Variants in SLC2A5 observed in about 807,000 individuals in gnomAD.
SLC2A5 encodes solute carrier family 2, facilitated glucose transporter member 5.
Under a neutral mutation model 50.3 loss-of-function variants are expected in SLC2A5, and 56 were observed. That is an observed-to-expected ratio of 1.11 (90% CI 0.90 to 1.39). SLC2A5 has a LOEUF of 1.39. Ranked by LOEUF, SLC2A5 falls within the 40% of genes most tolerant of loss-of-function variation. The pLI, the probability that SLC2A5 is intolerant of heterozygous loss-of-function variation, is 0.00. For missense variants in SLC2A5, 566 were observed against 650.1 expected (o/e 0.87, Z 1.41); for synonymous variants, 269 against 281.9 (o/e 0.95, Z 0.46).
chr1:9,053,154 T>TA (rs1557669955), intron 3 of SLC2A5, among the ~76,000 whole-genome samples: 19 of 79,950 alleles, frequency 2.4e-4, no homozygotes, highest in East Asian at 8.7e-4. Flanking sequence ...TTAATATATA[T>TA]TTTATATATT....
intron 4 of SLC2A5, 143 bp downstream of exon 4, chr1:9,047,467 C>T: frequency 5.2e-6 from 4 of 764,936 alleles, no homozygotes; most frequent in Non-Finnish European, 8.4e-6. Context: ...CCAGGTAGGG[C>T]TCAACCATCT....
Position 9,037,356 on chromosome 1 carries a change from A to G in SLC2A5, c.*230T>C. 1.9e-6 allele frequency: 1 copy of G among 517,894 alleles called. No individual in the cohort carries two copies. Among genetic ancestry groups the G allele is most frequent in the Non-Finnish European group, 3.5e-6 (1 of 286,816 alleles). 32.1% of individuals were successfully genotyped at this position (517,894 alleles called of 1,614,324 possible). A position where few individuals can be genotyped will look rare whatever the true frequency, so the allele number is the denominator to read the frequency against. ...AGCAAAGTGGAGGACCAGCTGTTTAATTGACTCGGGTCTGGTGACAGGCCA... is the reference window on the plus strand; with the variant it reads ...AGCAAAGTGGAGGACCAGCTGTTTAGTTGACTCGGGTCTGGTGACAGGCCA... On this transcript the variant is annotated 3_prime_UTR_variant, in exon 12 of 12. Coordinates refer to ENST00000377424, the MANE Select transcript of SLC2A5 (RefSeq NM_003039.3).
At chr1:9,056,908 C>T (rs1641768270) in intron 3 of SLC2A5, among the ~76,000 whole-genome samples, 1 of 152,120 alleles carries the variant, frequency 6.6e-6, no homozygotes, top group South Asian at 2.1e-4. Context: ...CCTGTAGATC[C>T]CTGGCCACCC....
At chr1:9,051,205 G>A (rs573306640) in intron 3 of SLC2A5, among the ~76,000 whole-genome samples, 79 of 144,234 alleles carry the variant, frequency 5.5e-4, no homozygotes, top group African/African-American at 2.0e-3. Flanking sequence ...AAGAGAAGAA[G>A]GAAGGAGGGA....
intron 5 of SLC2A5, chr1:9,041,229 C>G (rs1220980253): frequency 1.5e-5 from 6 of 397,600 alleles, no homozygotes; most frequent in African/African-American, 1.0e-4. Flanking sequence ...CAAAAACAAC[C>G]CCGGTTACAG....
intron 2 of SLC2A5, among the ~76,000 whole-genome samples, chr1:9,078,598 A>G (rs1469880543): frequency 6.6e-6 from 1 of 152,218 alleles, no homozygotes; most frequent in Non-Finnish European, 1.5e-5. Context: ...CTATTGAAAA[A>G]CATTTCATTT....
intron 1 of SLC2A5, among the ~76,000 whole-genome samples, chr1:9,068,189 C>CAAAAAAAAAAAAAAAA (rs755203801): frequency 3.2e-4 from 25 of 77,074 alleles, no homozygotes; most frequent in African/African-American, 1.2e-3. Context: ...GACTCTGTGT[C>CAAAAAAAAAAAAAAAA]AAAAAAAAAA....
intron 9 of SLC2A5, 29 bp downstream of exon 9, chr1:9,038,799 G>A (rs760997994): frequency 1.2e-5 from 18 of 1,544,978 alleles, no homozygotes; most frequent in South Asian, 4.8e-5. Flanking sequence ...GTGCAGCTCC[G>A]GGCTCCTGGG....
intron 1 of SLC2A5, among the ~76,000 whole-genome samples, chr1:9,062,148 TG>T (rs1180259205): frequency 9.2e-5 from 14 of 152,138 alleles, no homozygotes; most frequent in Non-Finnish European, 1.9e-4. Context: ...ACCAGCTAAC[TG>T]GACTCCAGGA....
chr1:9,086,607 T>C (rs115276464), intron 1 of SLC2A5, among the ~76,000 whole-genome samples: 61 of 152,218 alleles, frequency 4.0e-4, no homozygotes, highest in African/African-American at 1.5e-3. Context: ...GTCAGGTTGG[T>C]CTTGAACTCC....
At chr1:9,051,452 A>G (rs1014045326) in intron 3 of SLC2A5, among the ~76,000 whole-genome samples, 6 of 152,218 alleles carry the variant, frequency 3.9e-5, no homozygotes, top group African/African-American at 1.2e-4. Context: ...CTTAAAACTT[A>G]AAAAGAAAAC....
At chr1:9,083,989 A>C (rs1325190742) in intron 2 of SLC2A5, among the ~76,000 whole-genome samples, 1 of 151,612 alleles carries the variant, frequency 6.6e-6, no homozygotes, top group Non-Finnish European at 1.5e-5. Context: ...CTAAAAATAC[A>C]AAAAATTAGC....
chr1:9,091,304 A>G (rs1642459457), upstream of SLC2A5, among the ~76,000 whole-genome samples: 1 of 152,148 alleles, frequency 6.6e-6, no homozygotes, highest in African/African-American at 2.4e-5. Flanking sequence ...CTATATTTAC[A>G]TAGTTCTCAT....
chr1:9,063,653 G>A (rs974238193), intron 1 of SLC2A5, among the ~76,000 whole-genome samples: 4 of 142,090 alleles, frequency 2.8e-5, no homozygotes, highest in African/African-American at 1.0e-4. Flanking sequence ...GATTACAGGT[G>A]TGAGCCAACA....
intron 2 of SLC2A5, among the ~76,000 whole-genome samples, chr1:9,081,151 T>G (rs1642346511): frequency 6.6e-6 from 1 of 150,758 alleles, no homozygotes; most frequent in Non-Finnish European, 1.5e-5. Context: ...TCCCAGCTAC[T>G]CAAGAGGCTG....
intron 1 of SLC2A5, among the ~76,000 whole-genome samples, chr1:9,060,516 CCA>C (rs151315662): frequency 0.26 from 33,754 of 127,838 alleles, 5,100 homozygotes; most frequent in East Asian, 0.56. Flanking sequence ...CATACATACA[CCA>C]CACACACATC....
chr1:9,068,996 A>G (rs1642155615), intron 1 of SLC2A5, among the ~76,000 whole-genome samples: 1 of 152,190 alleles, frequency 6.6e-6, no homozygotes, highest in Non-Finnish European at 1.5e-5. Flanking sequence ...TCCTCTCTAA[A>G]ACAAGGGAGC....
chr1:9,071,970 C>T, upstream of SLC2A5: 1 of 159,656 alleles, frequency 6.3e-6, no homozygotes, highest in Non-Finnish European at 1.4e-5. Context: ...GCCTCGGTCC[C>T]CCTCTGCCTC....
intron 1 of SLC2A5, among the ~76,000 whole-genome samples, chr1:9,059,613 T>C (rs2124414853): frequency 7.0e-6 from 1 of 143,350 alleles, no homozygotes; most frequent in East Asian, 2.2e-4. Context: ...CACTGTGACC[T>C]CAACCTCCTG....
Sources: allele counts gnomAD v4.1 joint callset (sites outside exome capture counted in the v4.1 genomes callset), GRCh38; gene constraint gnomAD v4.1.1; transcripts MANE v1.5; gene names NCBI Gene and HGNC (gene_info 2026-07-23, HGNC 2026-07-21).